Variants in SRD5A2 observed in about 807,000 individuals in gnomAD.
SRD5A2 encodes the protein 3-oxo-5-alpha-steroid 4-dehydrogenase 2.
A neutral mutation model predicts 27.4 loss-of-function variants in SRD5A2; 30 were observed. The observed-to-expected ratio is 1.10, with a 90% CI of 0.82 to 1.49. The LOEUF is 1.49. Ranked by LOEUF, SRD5A2 falls within the 40% of genes most tolerant of loss-of-function variation. SRD5A2 has a pLI of 0.00. For missense variants in SRD5A2, 348 were observed against 323.4 expected (o/e 1.08, Z -0.58); for synonymous variants, 141 against 133.6 (o/e 1.06, Z -0.38).
chr2:31,640,658 G>C, the SRD5A2 span, among the ~76,000 whole-genome samples: 1 of 152,102 alleles, frequency 6.6e-6, no homozygotes, highest in Non-Finnish European at 1.5e-5. Flanking sequence ...CTGACCAGGG[G>C]TTCATGTTCA....
At chr2:31,642,117 A>G in the SRD5A2 span, among the ~76,000 whole-genome samples, 2 of 152,132 alleles carry the variant, frequency 1.3e-5, no homozygotes, top group South Asian at 2.1e-4. Context: ...ACTGAGACAG[A>G]CAAAGGCTTA....
the SRD5A2 span, among the ~76,000 whole-genome samples, chr2:31,640,791 C>T: frequency 8.5e-5 from 13 of 152,110 alleles, no homozygotes; most frequent in South Asian, 2.1e-4. Flanking sequence ...CCTACCTACC[C>T]GCTTTGTCCC....
chr2:31,586,165 C>A, the SRD5A2 span, among the ~76,000 whole-genome samples: 1 of 152,048 alleles, frequency 6.6e-6, no homozygotes, highest in African/African-American at 2.4e-5. Flanking sequence ...GTACGCCGTA[C>A]CCAATGTGTA....
the SRD5A2 span, among the ~76,000 whole-genome samples, chr2:31,587,127 C>A: frequency 2.6e-5 from 4 of 152,038 alleles, no homozygotes; most frequent in African/African-American, 9.7e-5. Context: ...ATGCGGCCAA[C>A]AAACATATGA....
the SRD5A2 span, among the ~76,000 whole-genome samples, chr2:31,653,947 C>A: frequency 6.6e-6 from 1 of 152,222 alleles, no homozygotes; most frequent in African/African-American, 2.4e-5. Flanking sequence ...GCGTGACCCA[C>A]TGCACCCAGC....
intron 2 of SRD5A2, among the ~76,000 whole-genome samples, chr2:31,532,811 G>A (rs1262176241): frequency 2.6e-4 from 40 of 152,136 alleles, no homozygotes; most frequent in Non-Finnish European, 2.9e-5. Flanking sequence ...GGAGCGGGGA[G>A]GGAAGGGGGA....
the SRD5A2 span, among the ~76,000 whole-genome samples, chr2:31,586,981 T>C: frequency 3.9e-5 from 6 of 152,048 alleles, no homozygotes; most frequent in African/African-American, 9.7e-5. Flanking sequence ...AAATTAAAGA[T>C]AACACATAGG....
chr2:31,573,767 C>T (rs976430552), intron 1 of SRD5A2, among the ~76,000 whole-genome samples: 1 of 152,156 alleles, frequency 6.6e-6, no homozygotes, highest in Non-Finnish European at 1.5e-5. Flanking sequence ...CTTTTCAGAA[C>T]AGGTACCACT....
At chr2:31,661,524 T>C in the SRD5A2 span, among the ~76,000 whole-genome samples, 1 of 152,330 alleles carries the variant, frequency 6.6e-6, no homozygotes, top group East Asian at 1.9e-4. Flanking sequence ...AAAGGTAGTC[T>C]GGAACAAAAG....
chr2:31,529,582 T>C (rs1166482619), intron 3 of SRD5A2, 125 bp from the exon 4 acceptor site: 8 of 1,310,250 alleles, frequency 6.1e-6, no homozygotes, highest in Admixed American at 5.5e-5. Flanking sequence ...GCTCCCTCCA[T>C]AGTCATAGGA....
At chr2:31,529,484 A>G (rs958142181) in intron 3 of SRD5A2, 27 bp from the exon 4 acceptor site, 3 of 1,607,038 alleles carry the variant, frequency 1.9e-6, no homozygotes, top group Non-Finnish European at 2.6e-6. Context: ...CGGAAGGTCA[A>G]TCATTGCAAC....
chr2:31,660,371 C>T, the SRD5A2 span, among the ~76,000 whole-genome samples: 1 of 152,132 alleles, frequency 6.6e-6, no homozygotes, highest in Non-Finnish European at 1.5e-5. Context: ...ATTACCGATG[C>T]ATTTACCTTT....
At chr2:31,532,823 A>G (rs778774146) in intron 2 of SRD5A2, among the ~76,000 whole-genome samples, 2 of 152,110 alleles carry the variant, frequency 1.3e-5, no homozygotes, top group Non-Finnish European at 2.9e-5. Flanking sequence ...GAAGGGGGAC[A>G]GCACACACAG....
At chr2:31,659,140 G>T in the SRD5A2 span, among the ~76,000 whole-genome samples, 1 of 152,096 alleles carries the variant, frequency 6.6e-6, no homozygotes, top group Non-Finnish European at 1.5e-5. Flanking sequence ...ATCACTTCAT[G>T]TTGAAAACAC....
At chr2:31,600,293 A>G in the SRD5A2 span, among the ~76,000 whole-genome samples, 5 of 152,024 alleles carry the variant, frequency 3.3e-5, no homozygotes, top group Admixed American at 2.6e-4. Context: ...CAATAAACAC[A>G]TGAGTGCACA....
intron 1 of SRD5A2, among the ~76,000 whole-genome samples, chr2:31,565,717 C>G (rs1666716143): frequency 6.6e-6 from 1 of 151,800 alleles, no homozygotes; most frequent in Non-Finnish European, 1.5e-5. Context: ...GAAGCAAAAA[C>G]TGATAGAGCT....
At chr2:31,546,318 T>C (rs754171290) in intron 1 of SRD5A2, among the ~76,000 whole-genome samples, 52 of 151,866 alleles carry the variant, frequency 3.4e-4, no homozygotes, top group Non-Finnish European at 7.1e-4. Context: ...CTAAAAACTA[T>C]AGTAATCAAA....
chr2:31,608,309 G>T, the SRD5A2 span, among the ~76,000 whole-genome samples: 1 of 151,776 alleles, frequency 6.6e-6, no homozygotes. Context: ...TGAAAGTTAT[G>T]AATGTATATT....
At chr2:31,621,482 C>G in the SRD5A2 span, among the ~76,000 whole-genome samples, 1 of 151,994 alleles carries the variant, frequency 6.6e-6, no homozygotes, top group Non-Finnish European at 1.5e-5. Context: ...GAATATTGCG[C>G]AGTTTGTTTA....
Sources: allele counts gnomAD v4.1 joint callset (sites outside exome capture counted in the v4.1 genomes callset), GRCh38; gene constraint gnomAD v4.1.1; transcripts MANE v1.5; gene names NCBI Gene and HGNC (gene_info 2026-07-23, HGNC 2026-07-21).